The following EFHC2 variants were observed in gnomAD, a reference collection of about 807,000 sequenced individuals.
The protein encoded by EFHC2 is EF-hand domain containing 2.
Under a neutral mutation model 52.7 loss-of-function variants are expected in EFHC2, and 18 were observed. The ratio of observed to expected loss-of-function variants is 0.34; its 90% CI spans 0.24 to 0.51. EFHC2 has a LOEUF of 0.51. Among genes scored for constraint, EFHC2 ranks in the 20% least tolerant of loss-of-function variants. The pLI, the probability that EFHC2 is intolerant of heterozygous loss-of-function variation, is 0.97. For missense variants in EFHC2, 513 were observed against 562.5 expected, an observed-to-expected ratio of 0.91 and a Z score of 0.89; for synonymous variants, 203 against 204.1, an observed-to-expected ratio of 0.99 and a Z score of 0.04.
At chrX:44,279,080 G>A (rs953309163) in intron 2 of EFHC2, among the ~76,000 whole-genome samples, 13 of 112,184 alleles carry the variant, frequency 1.2e-4, no homozygotes, top group African/African-American at 3.9e-4. Flanking sequence ...AGTAGCTCAC[G>A]CCTGTAATCC....
At chrX:44,284,708 C>A (rs1249972070) in intron 2 of EFHC2, 1 of 111,845 alleles carries the variant, frequency 8.9e-6, no homozygotes, top group Non-Finnish European at 1.9e-5. Context: ...ACAAAATACA[C>A]TCATTTGTGA....
intron 2 of EFHC2, chrX:44,309,926 G>T (rs879185811): frequency 1.3e-5 from 13 of 1,019,341 alleles, no homozygotes; most frequent in Non-Finnish European, 1.5e-5. Flanking sequence ...TGGGATCTTT[G>T]ATGTAAGTGT....
At chrX:44,158,615 G>A (rs1310706165) in intron 14 of EFHC2, among the ~76,000 whole-genome samples, 2 of 110,896 alleles carry the variant, frequency 1.8e-5, no homozygotes, top group Non-Finnish European at 3.8e-5. Context: ...GGCTGGCTAT[G>A]GAAGACTCCC....
intron 14 of EFHC2, among the ~76,000 whole-genome samples, chrX:44,163,294 T>C (rs2036671389): frequency 8.9e-6 from 1 of 112,139 alleles, no homozygotes; most frequent in Non-Finnish European, 1.9e-5. Flanking sequence ...TTCTGGAGCA[T>C]GTTAAAATAC....
intron 4 of EFHC2, among the ~76,000 whole-genome samples, chrX:44,255,233 A>G (rs2037482563): frequency 8.9e-6 from 1 of 112,063 alleles, no homozygotes; most frequent in Admixed American, 9.4e-5. Context: ...CAAAATAATC[A>G]GCTAGCATCA....
intron 1 of EFHC2, among the ~76,000 whole-genome samples, chrX:44,319,669 T>TCTTA (rs1453766858): frequency 8.9e-6 from 1 of 112,667 alleles, no homozygotes; most frequent in Non-Finnish European, 1.9e-5. Context: ...TTTCTTTTTT[T>TCTTA]CTTACCATGA....
intron 4 of EFHC2, among the ~76,000 whole-genome samples, chrX:44,252,146 C>T (rs1048040440): frequency 9.0e-6 from 1 of 111,588 alleles, no homozygotes; most frequent in Non-Finnish European, 1.9e-5. Context: ...TCTGCAGAGC[C>T]TCTGCCTCGG....
At chrX:44,194,369 T>A (rs758092241) in intron 11 of EFHC2, among the ~76,000 whole-genome samples, 1 of 111,586 alleles carries the variant, frequency 9.0e-6, no homozygotes. Flanking sequence ...CCGGCTACGT[T>A]TTGACAGTGG....
rs758955127 is a variant in EFHC2 at position 44,250,848 on chromosome X, G to C, written c.607-403C>G. ...TCGAAAAAAAAAAAAAAAAAGAAAA[G>C]AAAACAAAAAAGATATATTTTTCTA... On this transcript the variant is annotated intron_variant, in intron 4 of 14. Coordinates refer to ENST00000420999, the MANE Select transcript of EFHC2 (RefSeq NM_025184.4). 1.5e-4 allele frequency among the ~76,000 whole-genome samples: 14 copies of C among 93,458 alleles called. No homozygotes were observed. The South Asian group carries it at 3.9e-3, about 26-fold the overall frequency. The allele number at this position is 93,458 out of a possible 115,157, so 81.2% of individuals were successfully genotyped here.
At chrX:44,236,019 C>CTT (rs34288622) in intron 8 of EFHC2, among the ~76,000 whole-genome samples, 4,470 of 104,012 alleles carry the variant, frequency 0.043, 196 homozygotes, top group African/African-American at 0.13. Flanking sequence ...ATAGACCCAC[C>CTT]TTTTTTTTTT....
intron 4 of EFHC2, 111 bp from the exon 5 acceptor site, chrX:44,250,556 G>A (rs1275309345): frequency 3.3e-6 from 3 of 896,867 alleles, no homozygotes; most frequent in Non-Finnish European, 4.4e-6. Context: ...CAGGCATGGT[G>A]GCTGATGCCT....
rs1282353615 is a variant in EFHC2, at chrX:44,320,855, T to C, written c.43-8099A>G. ...CAACCTCCCCTGTTAGGCCTTACCT[T>C]GCAGGACACCACATTATTCTGGTGT... On this transcript the variant is annotated intron_variant, in intron 1 of 14. Coordinates refer to ENST00000420999, the MANE Select transcript of EFHC2 (RefSeq NM_025184.4). 3.6e-5 allele frequency among the ~76,000 whole-genome samples: 4 copies of C among 110,459 alleles called. No individual in the cohort carries two copies. In the East Asian group the frequency reaches 1.1e-3, roughly 31 times the overall value.
At chrX:44,171,224 G>A (rs1195377635) in intron 13 of EFHC2, among the ~76,000 whole-genome samples, 1 of 111,101 alleles carries the variant, frequency 9.0e-6, no homozygotes, top group East Asian at 2.8e-4. Flanking sequence ...TTTGACTGAT[G>A]TTCATACTCC....
intron 11 of EFHC2, among the ~76,000 whole-genome samples, chrX:44,202,387 G>T (rs773268609): frequency 9.0e-6 from 1 of 111,599 alleles, no homozygotes. Context: ...ACTCCAGCCT[G>T]GGCGACAGAG....
intron 2 of EFHC2, chrX:44,310,309 C>T: frequency 1.1e-6 from 1 of 909,496 alleles, no homozygotes; most frequent in Non-Finnish European, 1.5e-6. Context: ...GTTTTCGGCT[C>T]GCGGGCTCCT....
intron 8 of EFHC2, 89 bp from the exon 9 acceptor site, chrX:44,235,536 G>C: frequency 1.1e-6 from 1 of 902,015 alleles, no homozygotes; most frequent in Non-Finnish European, 1.5e-6. Flanking sequence ...ATATAATATG[G>C]CTTTAATATA....
intron 14 of EFHC2, among the ~76,000 whole-genome samples, chrX:44,155,366 A>G (rs1267194912): frequency 8.9e-6 from 1 of 112,388 alleles, no homozygotes; most frequent in Non-Finnish European, 1.9e-5. Context: ...ATGAAAACCC[A>G]GTAAACAGCA....
intron 11 of EFHC2, among the ~76,000 whole-genome samples, chrX:44,205,773 T>C (rs773430972): frequency 2.5e-4 from 28 of 111,325 alleles, no homozygotes; most frequent in African/African-American, 8.2e-4. Flanking sequence ...GGCCATACAA[T>C]AATAGTGGAG....
At chrX:44,335,715 C>T (rs1165636461) in intron 1 of EFHC2, among the ~76,000 whole-genome samples, 1 of 110,898 alleles carries the variant, frequency 9.0e-6, no homozygotes, top group Non-Finnish European at 1.9e-5. Flanking sequence ...AAGTAAAAAC[C>T]CTATAATCCT....
Sources: allele counts gnomAD v4.1 joint callset (sites outside exome capture counted in the v4.1 genomes callset), GRCh38; gene constraint gnomAD v4.1.1; transcripts MANE v1.5; gene names NCBI Gene and HGNC (gene_info 2026-07-23, HGNC 2026-07-21).